RNF168: variants seen among roughly 807,000 people sequenced by gnomAD.
RNF168 encodes the protein ring finger protein 168, also known as E3 ubiquitin-protein ligase RNF168.
In RNF168, 34 loss-of-function variants were observed where a neutral mutation model predicts 34.9. That is an observed-to-expected ratio of 0.97 (90% CI 0.74 to 1.30). The LOEUF (loss-of-function observed/expected upper bound fraction) is 1.30, where lower values mean the gene tolerates loss of function less well. Among genes scored for constraint, RNF168 ranks in the 50% most tolerant of loss-of-function variants. The pLI, the probability that RNF168 is intolerant of heterozygous loss-of-function variation, is 0.00. For synonymous variants in RNF168, 264 were observed against 254.7 expected (o/e 1.04, Z -0.35); for missense variants, 725 against 682.5 (o/e 1.06, Z -0.69).
chr3:196,484,473 C>CTTT (rs377178675), intron 3 of RNF168, among the ~76,000 whole-genome samples: 2 of 97,432 alleles, frequency 2.1e-5, no homozygotes, highest in East Asian at 2.4e-4. Flanking sequence ...CGCGCCCGGC[C>CTTT]TTTTTTTTTT....
chr3:196,486,628 C>T (rs1014794285), intron 3 of RNF168, among the ~76,000 whole-genome samples: 1 of 152,132 alleles, frequency 6.6e-6, no homozygotes, highest in Non-Finnish European at 1.5e-5. Flanking sequence ...GCCATCGCAC[C>T]CTGGCAAGAA....
chr3:196,498,936 A>T (rs1732814324), intron 1 of RNF168, among the ~76,000 whole-genome samples: 1 of 151,910 alleles, frequency 6.6e-6, no homozygotes, highest in Non-Finnish European at 1.5e-5. Flanking sequence ...CGGAGGTTGC[A>T]GTGAGCCGAG....
intron 1 of RNF168, among the ~76,000 whole-genome samples, chr3:196,498,590 A>T (rs1457601554): frequency 6.6e-6 from 1 of 152,244 alleles, no homozygotes; most frequent in African/African-American, 2.4e-5. Context: ...AACTTTATTC[A>T]TAATATCCAA....
At chr3:196,479,578 G>T (rs1732239193) in intron 4 of RNF168, among the ~76,000 whole-genome samples, 1 of 151,510 alleles carries the variant, frequency 6.6e-6, no homozygotes, top group South Asian at 2.1e-4. Flanking sequence ...TGGGATTGCA[G>T]GTATGAGCCA....
chr3:196,481,280 C>G (rs148779591), intron 4 of RNF168, among the ~76,000 whole-genome samples: 2 of 152,154 alleles, frequency 1.3e-5, no homozygotes, highest in African/African-American at 4.8e-5. Flanking sequence ...CCTGACCTTA[C>G]AAGGGGAATG....
At chr3:196,490,847 T>A (rs574942192) in intron 1 of RNF168, among the ~76,000 whole-genome samples, 1 of 152,226 alleles carries the variant, frequency 6.6e-6, no homozygotes, top group Non-Finnish European at 1.5e-5. Flanking sequence ...TTCAAGACAA[T>A]ACAATGGTAT....
intron 1 of RNF168, among the ~76,000 whole-genome samples, chr3:196,489,390 A>G (rs531035306): frequency 1.3e-5 from 2 of 151,726 alleles, no homozygotes; most frequent in South Asian, 4.2e-4. Flanking sequence ...GCAGTGGTGC[A>G]ATCTCAGCTC....
intron 4 of RNF168, among the ~76,000 whole-genome samples, chr3:196,480,244 AC>A (rs1732254179): frequency 6.6e-6 from 1 of 152,192 alleles, no homozygotes; most frequent in South Asian, 2.1e-4. Context: ...TAAAAACAAA[AC>A]AAAAAAATGT....
At chr3:196,497,594 T>C (rs1457553761) in intron 1 of RNF168, among the ~76,000 whole-genome samples, 1 of 151,440 alleles carries the variant, frequency 6.6e-6, no homozygotes, top group East Asian at 2.0e-4. Context: ...CGCTTGAACC[T>C]GGGAGGTGGA....
chr3:196,494,783 G>A (rs145033824), intron 1 of RNF168, among the ~76,000 whole-genome samples: 35 of 152,318 alleles, frequency 2.3e-4, no homozygotes, highest in Non-Finnish European at 4.1e-4. Flanking sequence ...AGCACTTTGC[G>A]AGGATGAGGC....
At chr3:196,483,568 A>G (rs938201925) in intron 4 of RNF168, among the ~76,000 whole-genome samples, 1 of 152,230 alleles carries the variant, frequency 6.6e-6, no homozygotes. Flanking sequence ...AAAAGTATGA[A>G]TCTGCCACAG....
chr3:196,491,302 G>A (rs1261739349), intron 1 of RNF168, among the ~76,000 whole-genome samples: 4 of 151,840 alleles, frequency 2.6e-5, no homozygotes, highest in Non-Finnish European at 5.9e-5. Context: ...GACAGAGGGA[G>A]ATTCCGTCTC....
chr3:196,469,006 CAGGAAGACT>C lies in RNF168; in HGVS notation c.*2804_*2812del, dbSNP rs1731938339. 6.6e-6 allele frequency: 1 copy of C among 152,110 alleles called. No homozygotes were observed. The highest frequency in any genetic ancestry group is 1.9e-4 in the East Asian group (1 of 5,186). The allele number at this position is 152,110 out of a possible 1,614,324, so 9.4% of individuals were successfully genotyped here. A position where few individuals can be genotyped will look rare whatever the true frequency, so the allele number is the denominator to read the frequency against. On this transcript the variant is annotated 3_prime_UTR_variant, in exon 6 of 6. Coordinates refer to ENST00000318037, the MANE Select transcript of RNF168 (RefSeq NM_152617.4). ...AGTTTATCTTGAAACCAATTTTAGT[CAGGAAGACT>C]TCTTCACAGAGAATGAGCTGAATAT...
intron 1 of RNF168, among the ~76,000 whole-genome samples, chr3:196,499,868 G>T (rs978028974): frequency 6.6e-6 from 1 of 152,180 alleles, no homozygotes; most frequent in African/African-American, 2.4e-5. Flanking sequence ...TTTTTCCGAA[G>T]ATGATATACA....
At chr3:196,502,380 A>G (rs1291384360) in intron 1 of RNF168, among the ~76,000 whole-genome samples, 1 of 152,140 alleles carries the variant, frequency 6.6e-6, no homozygotes. Flanking sequence ...TGAGGTCAGG[A>G]GTTTGAGATC....
At chr3:196,487,332 T>C in intron 3 of RNF168, 67 bp downstream of exon 3, 14 of 1,291,102 alleles carry the variant, frequency 1.1e-5, no homozygotes, top group Non-Finnish European at 1.6e-5. Flanking sequence ...ACTCTTCCCA[T>C]GAGCGGGTTC....
At chr3:196,484,275 C>T (rs1732369258) in intron 3 of RNF168, among the ~76,000 whole-genome samples, 1 of 149,490 alleles carries the variant, frequency 6.7e-6, no homozygotes, top group East Asian at 2.0e-4. Flanking sequence ...AGGTTCATGC[C>T]ATTCTCCTGC....
At chr3:196,495,736 A>G (rs1732726013) in intron 1 of RNF168, among the ~76,000 whole-genome samples, 1 of 152,182 alleles carries the variant, frequency 6.6e-6, no homozygotes, top group South Asian at 2.1e-4. Flanking sequence ...TTTTCAGACT[A>G]TATGAGTCCT....
chr3:196,487,610 T>C, intron 2 of RNF168, 32 bp from the exon 3 acceptor site: 1 of 1,602,216 alleles, frequency 6.2e-7, no homozygotes, highest in Non-Finnish European at 8.6e-7. Context: ...GCAATCCTTC[T>C]CTGAACGTTT....
Sources: allele counts gnomAD v4.1 joint callset (sites outside exome capture counted in the v4.1 genomes callset), GRCh38; gene constraint gnomAD v4.1.1; transcripts MANE v1.5; gene names NCBI Gene and HGNC (gene_info 2026-07-23, HGNC 2026-07-21).